The following LRP4 variants were observed in gnomAD, a reference collection of about 807,000 sequenced individuals.
LRP4 encodes LDL receptor related protein 4, also known as low-density lipoprotein receptor-related protein 4.
Under a neutral mutation model 220.3 loss-of-function variants are expected in LRP4, and 95 were observed. That is an observed-to-expected ratio of 0.43 (90% CI 0.37 to 0.51). The LOEUF is 0.51. LRP4 is among the 20% of genes least tolerant of loss of function. The pLI is 0.00. For missense variants in LRP4, 1,925 were observed against 2,567.0 expected (o/e 0.75, Z 5.40); for synonymous variants, 903 against 954.6 (o/e 0.95, Z 1.00).
rs1300471096 is a variant in LRP4, at chr11:46,899,702, G to A, written c.430+161C>T. Among the ~76,000 whole-genome samples the A allele has an allele frequency of 1.3e-5, 2 of 152,198 alleles. No individual in the cohort carries two copies. The highest frequency in any genetic ancestry group is 2.4e-5 in the African/African-American group (1 of 41,464). On this transcript the variant is annotated intron_variant, in intron 4 of 37. Coordinates refer to ENST00000378623, the MANE Select transcript of LRP4 (RefSeq NM_002334.4). The surrounding 1 kb of genome is among the most constrained non-coding windows in gnomAD (Gnocchi z 5.9). ...CTCAGCCTCCTGGTCCACAGTTTCT[G>A]GGGGGTCTGAGCGGCTCTGCCCCCT... is the stretch of plus-strand genomic sequence containing the variant.
In LRP4 at chr11:46,859,053, T is replaced by A. The variant is rs1366363724; in HGVS notation, c.5648A>T (p.Glu1883Val). The A allele has an allele frequency of 6.2e-7, 1 of 1,614,044 alleles. No homozygotes were observed. The highest frequency in any genetic ancestry group is 8.5e-7 in the Non-Finnish European group (1 of 1,180,036). ...CGTGTCTGGCAGAGAGCCTCGTCTT[T>A]CTGGAGTGGCTGCAGTATGGACGCT... The part of the protein sequence containing the change: ...CSSVHTAATP[E>V]RRGSLPDTGW... Residue 1883 changes from glutamate (E) to valine (V), a missense_variant, in exon 38 of 38, where the codon GAA becomes GTA. By Grantham distance (121) the Glu-to-Val change is moderately radical. This residue lies in a region of LRP4 where 1,244 missense variants were observed against 1,624.9 expected (regional missense o/e 0.77). Coordinates refer to ENST00000378623, the MANE Select transcript of LRP4 (RefSeq NM_002334.4).
At chr11:46,898,812 G>C in intron 6 of LRP4, 92 bp downstream of exon 6, 1 of 1,605,528 alleles carries the variant, frequency 6.2e-7, no homozygotes, top group East Asian at 2.2e-5. Context: ...ACTCCTCTCT[G>C]AACTCCTGCC....
rs567235329 is a variant in LRP4, at chr11:46,858,841, G to A, written c.*142C>T. On this transcript the variant is annotated 3_prime_UTR_variant, in exon 38 of 38. Transcript: ENST00000378623. ...ATGGACTCACGTGGTAAACAGCTCC[G>A]GTGAAGGCTTAGGAACAGTTATGGG... The A allele has an allele frequency of 6.5e-5, 52 of 794,900 alleles. No individual in the cohort carries two copies. Among genetic ancestry groups the A allele is most frequent in the African/African-American group, 1.5e-4 (9 of 59,382 alleles). 49.2% of individuals were successfully genotyped at this position (794,900 alleles called of 1,614,324 possible). A position where few individuals can be genotyped will look rare whatever the true frequency, so the allele number is the denominator to read the frequency against.
intron 34 of LRP4, among the ~76,000 whole-genome samples, chr11:46,867,210 G>C (rs1463556073): frequency 6.6e-6 from 1 of 151,928 alleles, no homozygotes; most frequent in Non-Finnish European, 1.5e-5. Flanking sequence ...TTTCATAATG[G>C]TGTTTGTGTG....
intron 16 of LRP4, among the ~76,000 whole-genome samples, 169 bp downstream of exon 16, chr11:46,889,242 C>T (rs1592535561): frequency 6.6e-6 from 1 of 152,322 alleles, no homozygotes; most frequent in African/African-American, 2.4e-5. Context: ...GGTCCTCAGT[C>T]CTCAGCTTTG....
Position 46,871,628 on chromosome 11 carries a change from T to C in LRP4, c.4589A>G (p.Tyr1530Cys). ...CCGGTCCAGATGCGCATCCACCCAG[T>C]AGATCCTGCGAAGAAAATGAAAAGA... is the stretch of plus-strand genomic sequence containing the variant. ...LTLDYDTRRI[Y>C]WVDAHLDRIE... is the part of the protein sequence containing the mutation. Residue 1530 changes from tyrosine (Y) to cysteine (C), a missense_variant, in exon 31 of 38, where the codon TAC becomes TGC. This residue lies in a region of LRP4 where 1,244 missense variants were observed against 1,624.9 expected (regional missense o/e 0.77). Transcript: ENST00000378623. 6.2e-7 allele frequency: 1 copy of C among 1,606,692 alleles called. No individual in the cohort carries two copies. The highest frequency in any genetic ancestry group is 8.5e-7 in the Non-Finnish European group (1 of 1,174,990).
chr11:46,896,136 G>A (rs1941525480), intron 9 of LRP4, 74 bp downstream of exon 9: 2 of 1,610,948 alleles, frequency 1.2e-6, no homozygotes, highest in South Asian at 2.2e-5. Context: ...TCCTGAGGGA[G>A]GATTCCCTTT....
chr11:46,884,306 T>A (rs868843705), intron 18 of LRP4, among the ~76,000 whole-genome samples: 17 of 152,170 alleles, frequency 1.1e-4, no homozygotes, highest in African/African-American at 1.7e-4. Flanking sequence ...AGATTTTTTT[T>A]AAAATAAAAA....
intron 1 of LRP4, 74 bp from the exon 2 acceptor site, chr11:46,903,003 A>C (rs576649402): frequency 6.3e-7 from 1 of 1,588,558 alleles, no homozygotes; most frequent in African/African-American, 1.3e-5. Context: ...GGGAAAGTAG[A>C]GGAGCCTAGT....
At chr11:46,889,642 A>G in intron 15 of LRP4, 109 bp from the exon 16 acceptor site, 1 of 1,472,236 alleles carries the variant, frequency 6.8e-7, no homozygotes, top group Non-Finnish European at 9.3e-7. Flanking sequence ...GGGAGAAACT[A>G]TGTCTTATAT....
rs1940420321 is a variant in LRP4 at position 46,857,857 on chromosome 11, A to C, written c.*1126T>G. On this transcript the variant is annotated 3_prime_UTR_variant, in exon 38 of 38. Transcript: ENST00000378623. The stretch of plus-strand genomic sequence containing the variant: ...GTAGCCACAGGCTTGCTGTCCACTA[A>C]CTTAGATCCCTGAGCACTTGAGAAA... 6.6e-6 allele frequency: 1 copy of C among 152,590 alleles called. No homozygotes were observed. Among genetic ancestry groups the C allele is most frequent in the East Asian group, 1.9e-4 (1 of 5,188 alleles). The allele number at this position is 152,590 out of a possible 1,614,324, so 9.5% of individuals were successfully genotyped here.
rs143183401 is a variant in LRP4, at chr11:46,917,124, C to T, written c.52+1204G>A. 3.3e-5 allele frequency among the ~76,000 whole-genome samples: 5 copies of T among 152,330 alleles called. No homozygotes were observed. In the East Asian group the frequency reaches 9.7e-4, roughly 29 times the overall value. ...TTGGGAGGTAAACCAATCTTTAAAA[C>T]GAGTGCCTAGACATCTCCACGCCCT... is the stretch of plus-strand genomic sequence containing the variant. On this transcript the variant is annotated intron_variant, in intron 1 of 37. Coordinates refer to ENST00000378623, the MANE Select transcript of LRP4 (RefSeq NM_002334.4).
At chr11:46,889,828 C>T in intron 15 of LRP4, 116 bp downstream of exon 15, 1 of 1,207,980 alleles carries the variant, frequency 8.3e-7, no homozygotes. Flanking sequence ...CAGTGCCCTG[C>T]TGGATTTCCC....
chr11:46,886,488 C>A lies in LRP4; in HGVS notation c.2261G>T (p.Arg754Leu). 6.2e-7 allele frequency: 1 copy of A among 1,614,124 alleles called. No individual in the cohort carries two copies. Among genetic ancestry groups the A allele is most frequent in the Non-Finnish European group, 8.5e-7 (1 of 1,180,024 alleles). Residue 754 changes from arginine to leucine, a missense_variant, in exon 17 of 38, where the codon CGA (arginine) becomes CTA (leucine). By Grantham distance (102) the Arg-to-Leu change is moderately radical (BLOSUM62 -2). Coordinates refer to ENST00000378623, the MANE Select transcript of LRP4 (RefSeq NM_002334.4). Reference protein sequence around the residue: ...LLFARRMDIRRISFDTEDLSD... With the variant: ...LLFARRMDIRLISFDTEDLSD... ...CAGGTCCTCTGTGTCAAAGCTGATT[C>A]GACGGATGTCCATCCTTCGGGCAAA...
At chr11:46,917,127 G>A (rs1941958252) in intron 1 of LRP4, among the ~76,000 whole-genome samples, 1 of 152,232 alleles carries the variant, frequency 6.6e-6, no homozygotes. Flanking sequence ...TTTAAAACGA[G>A]TGCCTAGACA....
chr11:46,884,563 C>T (rs1052434847), intron 18 of LRP4, among the ~76,000 whole-genome samples: 1 of 151,872 alleles, frequency 6.6e-6, no homozygotes, highest in African/African-American at 2.4e-5. Flanking sequence ...GGTGAAACCC[C>T]GTCTCTACTA....
chr11:46,903,020 G>C lies in LRP4; in HGVS notation c.53-91C>G, dbSNP rs1941697043. On this transcript the variant is annotated intron_variant, in intron 1 of 37. Transcript: ENST00000378623. ...GAAAGTAGAGGAGCCTAGTCCAGGG[G>C]CACTGTCACCTGGAGAGTCACAGTG... 14 of 1,506,196 alleles carry C rather than the reference G, an allele frequency of 9.3e-6. 1 individual carries two copies. The South Asian group carries it at 1.6e-4, about 17-fold the overall frequency. The allele number at this position is 1,506,196 out of a possible 1,614,324, so 93.3% of individuals were successfully genotyped here.
At chr11:46,898,427 C>T (rs1941588682) in intron 7 of LRP4, 131 bp downstream of exon 7, 2 of 1,240,626 alleles carry the variant, frequency 1.6e-6, no homozygotes, top group South Asian at 1.2e-5. Context: ...CTCAAGCAAT[C>T]CACCCACCTT....
At chr11:46,903,424 G>A (rs1205487015) in intron 1 of LRP4, among the ~76,000 whole-genome samples, 1 of 152,036 alleles carries the variant, frequency 6.6e-6, no homozygotes, top group Non-Finnish European at 1.5e-5. Flanking sequence ...AACCTGGGAG[G>A]TCAAGGCTGC....
Sources: gnomAD v4.1 joint callset for allele counts (sites outside exome capture counted in the v4.1 genomes callset) on GRCh38, gnomAD v4.1.1 for gene constraint, gnomAD v4.1.1 regional missense constraint, Gnocchi (gnomAD v3.1) non-coding constraint, MANE v1.5 for transcripts, NCBI Gene and HGNC (gene_info 2026-07-23, HGNC 2026-07-21) for gene names.